Variants in SNU13 observed in about 807,000 individuals in gnomAD.
SNU13 encodes the protein small nuclear ribonucleoprotein 13, also known as NHP2-like protein 1.
SNU13 carries 2 observed loss-of-function variants against 12.4 expected under a neutral mutation model. The ratio of observed to expected loss-of-function variants is 0.16; its 90% CI spans 0.07 to 0.51. The LOEUF is 0.51. Among genes scored for constraint, SNU13 ranks in the 20% least tolerant of loss-of-function variants. SNU13 has a pLI of 0.96. For synonymous variants in SNU13, 68 were observed against 66.5 expected, an observed-to-expected ratio of 1.02 and a Z score of -0.11; for missense variants, 66 against 157.8, an observed-to-expected ratio of 0.42 and a Z score of 3.12.
chr22:41,676,364 T>C (rs1055754661), intron 2 of SNU13, among the ~76,000 whole-genome samples: 52 of 151,616 alleles, frequency 3.4e-4, no homozygotes, highest in African/African-American at 1.2e-3. Flanking sequence ...GGGCACACAC[T>C]CTAGAGCTAC....
chr22:41,686,530 C>T, intron 1 of SNU13, among the ~76,000 whole-genome samples: 1 of 150,966 alleles, frequency 6.6e-6, no homozygotes, highest in East Asian at 1.9e-4. Flanking sequence ...GAACTCCTGA[C>T]CTAAGGTGAT....
intron 2 of SNU13, among the ~76,000 whole-genome samples, chr22:41,678,324 T>A (rs1012174710): frequency 6.6e-6 from 1 of 152,178 alleles, no homozygotes; most frequent in African/African-American, 2.4e-5. Flanking sequence ...CTTTCTCCAC[T>A]GGAATGTATA....
intron 1 of SNU13, chr22:41,688,468 A>G: frequency 2.9e-6 from 1 of 342,598 alleles, no homozygotes; most frequent in East Asian, 4.4e-5. Flanking sequence ...TCTTCACCCA[A>G]CTTTTTGCCC....
chr22:41,689,144 C>A, upstream of SNU13: 1 of 1,017,950 alleles, frequency 9.8e-7, no homozygotes, highest in African/African-American at 1.7e-5. Flanking sequence ...GGCGCATCAC[C>A]TGAGGACAGG....
chr22:41,687,728 C>A (rs1216524767), intron 1 of SNU13: 1 of 152,196 alleles, frequency 6.6e-6, no homozygotes, highest in East Asian at 1.9e-4. Context: ...TTACTCTGTA[C>A]CAAGCATCAG....
chr22:41,682,215 G>C (rs1401613289), intron 1 of SNU13: 14 of 845,616 alleles, frequency 1.7e-5, no homozygotes, highest in Admixed American at 1.2e-4. Flanking sequence ...GCCTGCCTCG[G>C]TGGTCTCCTG....
chr22:41,675,836 T>A (rs746718276), intron 2 of SNU13, among the ~76,000 whole-genome samples: 2 of 149,410 alleles, frequency 1.3e-5, no homozygotes, highest in Non-Finnish European at 3.0e-5. Flanking sequence ...TTGCAACCTC[T>A]GCCTCCCAGG....
intron 1 of SNU13, chr22:41,682,652 G>A: frequency 9.9e-7 from 1 of 1,009,836 alleles, no homozygotes; most frequent in Non-Finnish European, 1.4e-6. Flanking sequence ...GAGGTCAAGG[G>A]AAGACCTCCA....
In SNU13 at chr22:41,680,338, G is replaced by A. The variant is rs1442674498; in HGVS notation, c.30C>T (p.Ala10=). ...TGAGGTGGGCATCGGCAAGGGGATA[G>A]GCCTTTGGATTCACATCAGCCTCAG... MTEADVNPK[A]YPLADAHLTK... Residue 10 remains alanine (A), a synonymous_variant, in exon 2 of 3, where the codon GCC becomes GCT. Coordinates refer to ENST00000401959, the MANE Select transcript of SNU13 (RefSeq NM_001003796.2). 3 of 1,613,972 alleles carry A rather than the reference G, an allele frequency of 1.9e-6. No individual in the cohort carries two copies. Among genetic ancestry groups the A allele is most frequent in the Admixed American group, 1.7e-5 (1 of 59,994 alleles).
At chr22:41,688,436 A>T (rs1353292592) in intron 1 of SNU13, 2 of 260,044 alleles carry the variant, frequency 7.7e-6, no homozygotes, top group Non-Finnish European at 1.4e-5. Flanking sequence ...AACAAGGAAA[A>T]AAAAAAGTTG....
intron 1 of SNU13, among the ~76,000 whole-genome samples, chr22:41,686,255 T>C (rs1346954292): frequency 6.6e-6 from 1 of 152,138 alleles, no homozygotes; most frequent in Non-Finnish European, 1.5e-5. Context: ...GATTTATCAT[T>C]GCATTTGCAC....
At chr22:41,681,179 G>A (rs2147136947) in intron 1 of SNU13, 1 of 152,144 alleles carries the variant, frequency 6.6e-6, no homozygotes, top group East Asian at 1.9e-4. Context: ...ACACAAAATG[G>A]TTCCAAAATT....
intron 1 of SNU13, among the ~76,000 whole-genome samples, chr22:41,684,798 C>G (rs1016241795): frequency 6.6e-6 from 1 of 152,092 alleles, no homozygotes; most frequent in Non-Finnish European, 1.5e-5. Context: ...TGATTGAGGC[C>G]TGAAGTTTGA....
chr22:41,679,610 G>C (rs1168185839), intron 2 of SNU13: 2 of 151,484 alleles, frequency 1.3e-5, no homozygotes, highest in African/African-American at 4.8e-5. Context: ...AATGAATAAA[G>C]TGAGAGTATC....
At chr22:41,681,104 G>A (rs147251829) in intron 1 of SNU13, 5 of 152,098 alleles carry the variant, frequency 3.3e-5, no homozygotes, top group Admixed American at 6.6e-5. Flanking sequence ...CTCCATATGC[G>A]TATCTTCTGT....
At chr22:41,687,710 C>T (rs1341691294) in intron 1 of SNU13, 1 of 152,212 alleles carries the variant, frequency 6.6e-6, no homozygotes, top group Non-Finnish European at 1.5e-5. Context: ...ACAACAAATA[C>T]TGCGTGCTTA....
chr22:41,690,044 G>A (rs963564405), upstream of SNU13, among the ~76,000 whole-genome samples: 4 of 151,702 alleles, frequency 2.6e-5, no homozygotes, highest in Admixed American at 2.6e-4. Context: ...ATTGGCTGAC[G>A]TCCCTGCCTG....
intron 2 of SNU13, among the ~76,000 whole-genome samples, chr22:41,676,253 G>T (rs926118880): frequency 6.6e-6 from 1 of 152,114 alleles, no homozygotes. Context: ...CACCATGCAA[G>T]TTCAACACCC....
At chr22:41,677,976 ATTCT>A (rs1386769709) in intron 2 of SNU13, among the ~76,000 whole-genome samples, 1 of 146,254 alleles carries the variant, frequency 6.8e-6, no homozygotes, top group African/African-American at 2.6e-5. Flanking sequence ...GTTTTACAGC[ATTCT>A]TTTTTTTTTT....
Sources: gnomAD v4.1 joint callset for allele counts (sites outside exome capture counted in the v4.1 genomes callset) on GRCh38, gnomAD v4.1.1 for gene constraint, MANE v1.5 for transcripts, NCBI Gene and HGNC (gene_info 2026-07-23, HGNC 2026-07-21) for gene names.